Variants in PLGRKT observed in about 807,000 individuals in gnomAD.
PLGRKT encodes plasminogen receptor (KT).
A neutral mutation model predicts 18.5 loss-of-function variants in PLGRKT; 22 were observed. The observed-to-expected ratio is 1.19, with a 90% CI of 0.85 to 1.70. The LOEUF is 1.70. Among genes scored for constraint, PLGRKT ranks in the 40% most tolerant of loss-of-function variants. The pLI, the probability that PLGRKT is intolerant of heterozygous loss-of-function variation, is 0.00. For missense variants in PLGRKT, 235 were observed against 174.4 expected, an observed-to-expected ratio of 1.35 and a Z score of -1.96; for synonymous variants, 72 against 52.8, an observed-to-expected ratio of 1.36 and a Z score of -1.58.
At chr9:5,379,418 TAA>T (rs929746487) in intron 3 of PLGRKT, among the ~76,000 whole-genome samples, 5 of 152,190 alleles carry the variant, frequency 3.3e-5, no homozygotes, top group African/African-American at 1.2e-4. Context: ...ATATTTACAT[TAA>T]GATTAATTAA....
At chr9:5,428,646 G>A (rs145255914) in intron 3 of PLGRKT, among the ~76,000 whole-genome samples, 10 of 152,058 alleles carry the variant, frequency 6.6e-5, no homozygotes, top group South Asian at 4.1e-4. Context: ...AAACTATTAC[G>A]ACCACCCTTG....
chr9:5,418,509 C>A lies in PLGRKT; in HGVS notation c.81+13388G>T. ...ACATGGAGCTTTTCACCATGCCCCGCCTGTCCTGCTCCTCCTCCGCCACCC... is the reference window on the plus strand; with the variant it reads ...ACATGGAGCTTTTCACCATGCCCCGACTGTCCTGCTCCTCCTCCGCCACCC... On this transcript the variant is annotated intron_variant, in intron 3 of 5. Coordinates refer to ENST00000223864, the MANE Select transcript of PLGRKT (RefSeq NM_018465.4). The surrounding 1 kb of genome is among the most constrained non-coding windows in gnomAD (Gnocchi z 4.2). 1.9e-6 allele frequency: 2 copies of A among 1,054,446 alleles called. No homozygotes were observed. The highest frequency in any genetic ancestry group is 3.0e-6 in the Non-Finnish European group (2 of 677,588). The allele number at this position is 1,054,446 out of a possible 1,614,324, so 65.3% of individuals were successfully genotyped here.
chr9:5,393,611 C>A (rs1440554286), intron 3 of PLGRKT, among the ~76,000 whole-genome samples: 1 of 151,548 alleles, frequency 6.6e-6, no homozygotes, highest in Non-Finnish European at 1.5e-5. Context: ...TATTTTTTTT[C>A]TTAACCATTG....
chr9:5,426,594 T>C (rs1477521051), intron 3 of PLGRKT, among the ~76,000 whole-genome samples: 2 of 152,236 alleles, frequency 1.3e-5, no homozygotes, highest in Non-Finnish European at 2.9e-5. Context: ...AAAGTGTATC[T>C]TGATCAACAA....
At chr9:5,400,970 C>T (rs541895972) in intron 3 of PLGRKT, among the ~76,000 whole-genome samples, 8 of 151,916 alleles carry the variant, frequency 5.3e-5, no homozygotes, top group Non-Finnish European at 1.0e-4. Context: ...GAAACTTTAT[C>T]CTCAAAAACC....
chr9:5,398,606 G>A (rs764914834), intron 3 of PLGRKT, among the ~76,000 whole-genome samples: 27 of 151,582 alleles, frequency 1.8e-4, no homozygotes, highest in Non-Finnish European at 3.2e-4. Flanking sequence ...AAACATCCTG[G>A]CATTTCTTCT....
chr9:5,383,371 T>C (rs1817782075), intron 3 of PLGRKT, among the ~76,000 whole-genome samples: 1 of 152,190 alleles, frequency 6.6e-6, no homozygotes, highest in Non-Finnish European at 1.5e-5. Flanking sequence ...CCTCAGCTGC[T>C]AGCTGGATCA....
intron 3 of PLGRKT, among the ~76,000 whole-genome samples, chr9:5,366,705 C>G (rs1467871361): frequency 6.6e-6 from 1 of 151,968 alleles, no homozygotes; most frequent in East Asian, 1.9e-4. Flanking sequence ...AAGGATGCCC[C>G]CTCTCACCAC....
intron 3 of PLGRKT, among the ~76,000 whole-genome samples, chr9:5,394,313 G>T (rs758889711): frequency 4.8e-4 from 73 of 151,978 alleles, no homozygotes; most frequent in African/African-American, 1.7e-3. Context: ...ATAGAGAAAA[G>T]AACAAGGTAA....
intron 4 of PLGRKT, 96 bp from the exon 5 acceptor site, chr9:5,361,283 G>A: frequency 1.5e-6 from 1 of 664,426 alleles, no homozygotes; most frequent in East Asian, 2.8e-5. Context: ...CTTTTTGGAA[G>A]AATGCCTTTT....
intron 3 of PLGRKT, among the ~76,000 whole-genome samples, chr9:5,428,903 T>C (rs545100025): frequency 6.6e-6 from 1 of 152,326 alleles, no homozygotes. Flanking sequence ...AGTCTCACTA[T>C]GTTGCCCAGG....
chr9:5,379,194 T>C (rs921612383), intron 3 of PLGRKT, among the ~76,000 whole-genome samples: 1 of 152,190 alleles, frequency 6.6e-6, no homozygotes, highest in Non-Finnish European at 1.5e-5. Flanking sequence ...CCATTAATAG[T>C]TATTCACAAT....
At chr9:5,363,481 C>T (rs1392579177) in intron 3 of PLGRKT, among the ~76,000 whole-genome samples, 1 of 152,040 alleles carries the variant, frequency 6.6e-6, no homozygotes, top group East Asian at 2.0e-4. Flanking sequence ...TGGCCCTCTC[C>T]AGCTGATGTG....
At chr9:5,384,039 C>T (rs1817796452) in intron 3 of PLGRKT, among the ~76,000 whole-genome samples, 1 of 152,222 alleles carries the variant, frequency 6.6e-6, no homozygotes, top group Non-Finnish European at 1.5e-5. Flanking sequence ...CAGCGCCTGA[C>T]CATTTGTGGC....
chr9:5,429,921 G>A (rs1195899306), intron 3 of PLGRKT, among the ~76,000 whole-genome samples: 2 of 152,170 alleles, frequency 1.3e-5, no homozygotes, highest in Non-Finnish European at 2.9e-5. Flanking sequence ...GGGTCAACCA[G>A]GACACAACAA....
At chr9:5,378,994 G>T (rs1817685162) in intron 3 of PLGRKT, among the ~76,000 whole-genome samples, 1 of 151,674 alleles carries the variant, frequency 6.6e-6, no homozygotes, top group African/African-American at 2.4e-5. Flanking sequence ...AATCACATAG[G>T]CCATATTTTT....
chr9:5,364,376 G>A, intron 3 of PLGRKT, among the ~76,000 whole-genome samples: 1 of 152,200 alleles, frequency 6.6e-6, no homozygotes, highest in South Asian at 2.1e-4. Flanking sequence ...AAGATTGTGA[G>A]CAGAGGGGCT....
At chr9:5,383,945 T>C (rs1435654724) in intron 3 of PLGRKT, among the ~76,000 whole-genome samples, 4 of 152,208 alleles carry the variant, frequency 2.6e-5, no homozygotes, top group Non-Finnish European at 4.4e-5. Context: ...GCCAGATGAC[T>C]TCAGCTTCAG....
chr9:5,433,504 T>C (rs1439099123), intron 2 of PLGRKT, among the ~76,000 whole-genome samples: 1 of 145,614 alleles, frequency 6.9e-6, no homozygotes, highest in Non-Finnish European at 1.5e-5. Context: ...CCACCCATCG[T>C]CTGGGATGTG....
Sources: allele counts gnomAD v4.1 joint callset (sites outside exome capture counted in the v4.1 genomes callset), GRCh38; gene constraint gnomAD v4.1.1; non-coding constraint Gnocchi (gnomAD v3.1); transcripts MANE v1.5; gene names NCBI Gene and HGNC (gene_info 2026-07-23, HGNC 2026-07-21).